Variants in NTRK3 observed in about 807,000 individuals in gnomAD.
NTRK3 encodes the protein neurotrophic receptor tyrosine kinase 3, also known as NT-3 growth factor receptor.
A neutral mutation model predicts 91.7 loss-of-function variants in NTRK3; 24 were observed. The observed-to-expected ratio is 0.26, with a 90% confidence interval of 0.19 to 0.37. The LOEUF is 0.37. NTRK3 is among the 10% of genes least tolerant of loss of function. The pLI, the probability that NTRK3 is intolerant of heterozygous loss-of-function variation, is 1.00. For missense variants in NTRK3, 880 were observed against 1,068.9 expected (o/e 0.82, Z 2.46); for synonymous variants, 483 against 404.0 (o/e 1.20, Z -2.34).
chr15:88,085,170 C>T (rs1049119388), intron 13 of NTRK3, among the ~76,000 whole-genome samples: 6 of 152,206 alleles, frequency 3.9e-5, no homozygotes, highest in African/African-American at 1.2e-4. Flanking sequence ...CGTTGAGAAA[C>T]AGGCTGAAGT....
chr15:87,900,465 G>A (rs1026722396), intron 17 of NTRK3, among the ~76,000 whole-genome samples: 4 of 152,180 alleles, frequency 2.6e-5, no homozygotes, highest in Non-Finnish European at 4.4e-5. Context: ...AGTTCTACTA[G>A]TGTGCCATCC....
chr15:88,182,464 C>T (rs1318577372), intron 5 of NTRK3, among the ~76,000 whole-genome samples: 1 of 152,140 alleles, frequency 6.6e-6, no homozygotes, highest in Non-Finnish European at 1.5e-5. Context: ...GCAAAGTGCT[C>T]AGTCAGTGAA....
chr15:88,120,192 G>A (rs1000559098), intron 13 of NTRK3, among the ~76,000 whole-genome samples: 1 of 152,208 alleles, frequency 6.6e-6, no homozygotes, highest in African/African-American at 2.4e-5. Context: ...TAACAAGAAT[G>A]TTCAATGTGG....
intron 14 of NTRK3, chr15:87,979,214 G>A: frequency 1.3e-6 from 1 of 776,454 alleles, no homozygotes; most frequent in Non-Finnish European, 2.3e-6. Flanking sequence ...AGGGTGCCGG[G>A]GCACTGGTGG....
At position 88,233,688 on chromosome 15, in the gene NTRK3, A is replaced by T. The variant is rs2051413174; in HGVS notation, c.248+22218T>A. On this transcript the variant is annotated intron_variant, in intron 3 of 18. Coordinates refer to ENST00000394480, the Ensembl canonical transcript of NTRK3. This position sits in a 1 kb window ranked among gnomAD's most constrained non-coding sequence, Gnocchi z 4.2. Reference sequence around the variant, plus strand: ...CTGGAGAGGTCCACCTCTTCAGAAAACTGCTCTCCTCTCCTCCCTCTCCTC... The same window carrying T: ...CTGGAGAGGTCCACCTCTTCAGAAATCTGCTCTCCTCTCCTCCCTCTCCTC... Among the ~76,000 whole-genome samples the T allele has an allele frequency of 6.6e-6, 1 of 151,760 alleles. No homozygotes were observed. The highest frequency in any genetic ancestry group is 1.5e-5 in the Non-Finnish European group (1 of 67,932).
At chr15:88,218,377 A>G (rs4887388) in intron 3 of NTRK3, among the ~76,000 whole-genome samples, 125,443 of 151,862 alleles carry the variant, frequency 0.83, 52,511 homozygotes, top group East Asian at 0.99. Context: ...CCTTGCCTCT[A>G]CCACTTATCA....
At chr15:88,035,997 G>A (rs2079038188) in intron 13 of NTRK3, among the ~76,000 whole-genome samples, 1 of 151,842 alleles carries the variant, frequency 6.6e-6, no homozygotes, top group Non-Finnish European at 1.5e-5. Flanking sequence ...GGAAAGATAA[G>A]AAAATCAAAG....
intron 13 of NTRK3, among the ~76,000 whole-genome samples, chr15:88,034,911 T>A (rs1032911561): frequency 2.0e-5 from 3 of 152,188 alleles, no homozygotes; most frequent in African/African-American, 7.2e-5. Context: ...TTGAAAAACT[T>A]TATAGCAAAT....
Position 87,891,028 on chromosome 15 carries a change from G to C in NTRK3, c.2134-10600C>G, listed in dbSNP as rs145809304. 2.1e-3 allele frequency among the ~76,000 whole-genome samples: 314 copies of C among 152,148 alleles called. 1 individual carries two copies. The highest frequency in any genetic ancestry group is 0.018 in the East Asian group (92 of 5,172). On this transcript the variant is annotated intron_variant, in intron 17 of 18. Coordinates refer to ENST00000394480, the Ensembl canonical transcript of NTRK3. ...CTTTTACTTCTTTAATTTTATGTTT[G>C]TGTTCTTTCTCATGCAGAAAATCTT...
intron 3 of NTRK3, among the ~76,000 whole-genome samples, chr15:88,208,968 TG>T (rs1567650626): frequency 6.6e-6 from 1 of 152,188 alleles, no homozygotes; most frequent in East Asian, 1.9e-4. Flanking sequence ...AGTGAGGCAT[TG>T]GACATACAGA....
chr15:88,227,776 C>T, intron 3 of NTRK3, among the ~76,000 whole-genome samples: 1 of 152,060 alleles, frequency 6.6e-6, no homozygotes, highest in East Asian at 1.9e-4. Context: ...TTACCCACCT[C>T]AGTTCTGGGC....
At chr15:88,010,759 C>T (rs1567223900) in intron 14 of NTRK3, among the ~76,000 whole-genome samples, 1 of 151,306 alleles carries the variant, frequency 6.6e-6, no homozygotes, top group Non-Finnish European at 1.5e-5. Flanking sequence ...CACACACACA[C>T]ACACACACAA....
chr15:87,933,490 G>C (rs2141961725), intron 15 of NTRK3, among the ~76,000 whole-genome samples: 1 of 152,368 alleles, frequency 6.6e-6, no homozygotes, highest in South Asian at 2.1e-4. Context: ...ATGGCAGCTG[G>C]AGGGGCTGTG....
rs983225995 is a variant in NTRK3 at position 88,233,275 on chromosome 15, T to G, written c.248+22631A>C. On this transcript the variant is annotated intron_variant, in intron 3 of 18. Transcript: ENST00000394480. This position sits in a 1 kb window ranked among gnomAD's most constrained non-coding sequence, Gnocchi z 4.2. Reference sequence around the variant, plus strand: ...ATCTCTCAGTATCCAGGACTTCATTTGCAGAGATATTATAATGCAGATCAC... The same window carrying G: ...ATCTCTCAGTATCCAGGACTTCATTGGCAGAGATATTATAATGCAGATCAC... Among the ~76,000 whole-genome samples the G allele has an allele frequency of 4.6e-5, 7 of 152,168 alleles. No individual in the cohort carries two copies. Among genetic ancestry groups the G allele is most frequent in the Non-Finnish European group, 8.8e-5 (6 of 68,022 alleles).
chr15:87,990,174 G>A (rs191006174), intron 14 of NTRK3, among the ~76,000 whole-genome samples: 6 of 152,256 alleles, frequency 3.9e-5, no homozygotes, highest in Admixed American at 3.3e-4. Context: ...TGGTCTCAAA[G>A]CTACAACTTT....
At chr15:88,206,221 T>C (rs897625090) in intron 3 of NTRK3, among the ~76,000 whole-genome samples, 44 of 148,220 alleles carry the variant, frequency 3.0e-4, no homozygotes, top group African/African-American at 1.1e-3. Context: ...GGCGGGCACC[T>C]GTAGTCCCAG....
intron 17 of NTRK3, among the ~76,000 whole-genome samples, chr15:87,900,939 T>C (rs1340140924): frequency 6.6e-6 from 1 of 152,158 alleles, no homozygotes; most frequent in Non-Finnish European, 1.5e-5. Context: ...CTGGATAATC[T>C]TTGGATGCCC....
intron 3 of NTRK3, among the ~76,000 whole-genome samples, chr15:88,219,311 C>T (rs567850492): frequency 6.6e-6 from 1 of 152,244 alleles, no homozygotes; most frequent in Non-Finnish European, 1.5e-5. Flanking sequence ...TGTTTGGGTA[C>T]AACTGGGCTG....
chr15:88,109,610 T>C (rs928964793), intron 13 of NTRK3, among the ~76,000 whole-genome samples: 12 of 152,072 alleles, frequency 7.9e-5, no homozygotes, highest in Admixed American at 5.2e-4. Flanking sequence ...TTCCAAGATA[T>C]GTGCTCTGGC....
Sources: allele counts gnomAD v4.1 joint callset (sites outside exome capture counted in the v4.1 genomes callset), GRCh38; gene constraint gnomAD v4.1.1; non-coding constraint Gnocchi (gnomAD v3.1); transcripts MANE v1.5; gene names NCBI Gene and HGNC (gene_info 2026-07-23, HGNC 2026-07-21).